Variants in USH2A observed in about 807,000 individuals in gnomAD.
USH2A encodes the protein usherin.
USH2A carries 443 observed loss-of-function variants against 538.9 expected under a neutral mutation model. The ratio of observed to expected loss-of-function variants is 0.82; its 90% CI spans 0.76 to 0.89. USH2A has a LOEUF of 0.89. Among genes scored for constraint, USH2A ranks in the 40% least tolerant of loss-of-function variants. USH2A has a pLI of 0.00. For synonymous variants in USH2A, 2,413 were observed against 2,273.5 expected, an observed-to-expected ratio of 1.06 and a Z score of -1.75; for missense variants, 6,633 against 6,324.8, an observed-to-expected ratio of 1.05 and a Z score of -1.65.
chr1:215,665,896 A>G (rs1313221304), intron 64 of USH2A, among the ~76,000 whole-genome samples: 1 of 152,266 alleles, frequency 6.6e-6, no homozygotes, highest in African/African-American at 2.4e-5. Flanking sequence ...GCATTTATGC[A>G]TGGAACATAC....
intron 21 of USH2A, among the ~76,000 whole-genome samples, chr1:216,130,871 A>G (rs1417302872): frequency 1.3e-5 from 2 of 151,686 alleles, no homozygotes; most frequent in East Asian, 1.9e-4. Flanking sequence ...TTAGTTCTGT[A>G]AGGAATCTCC....
chr1:216,348,853 G>C (rs948869089), intron 4 of USH2A, among the ~76,000 whole-genome samples: 1 of 151,754 alleles, frequency 6.6e-6, no homozygotes, highest in Non-Finnish European at 1.5e-5. Context: ...AGTGATCTCT[G>C]ACTACTATTC....
At chr1:215,639,319 A>T (rs1662341302) in intron 68 of USH2A, 81 bp from the exon 69 acceptor site, 1 of 1,307,722 alleles carries the variant, frequency 7.6e-7, no homozygotes, top group Non-Finnish European at 1.1e-6. Context: ...AGAGCAATGC[A>T]TCATAGCATG....
intron 40 of USH2A, among the ~76,000 whole-genome samples, chr1:215,898,183 G>A (rs1260265560): frequency 6.6e-6 from 1 of 152,102 alleles, no homozygotes; most frequent in Non-Finnish European, 1.5e-5. Context: ...TTTGGGGAAC[G>A]GATTTAAACA....
At chr1:215,754,737 C>T (rs1367079810) in intron 58 of USH2A, among the ~76,000 whole-genome samples, 1 of 152,176 alleles carries the variant, frequency 6.6e-6, no homozygotes, top group Non-Finnish European at 1.5e-5. Context: ...CATTCAAAGC[C>T]ATCCTGGGCT....
chr1:216,367,516 T>G (rs1288957297), intron 3 of USH2A, among the ~76,000 whole-genome samples: 1 of 152,196 alleles, frequency 6.6e-6, no homozygotes. Context: ...ATATCTGTTG[T>G]CAAGAGTTCA....
intron 37 of USH2A, among the ~76,000 whole-genome samples, chr1:215,941,345 A>T (rs1051024498): frequency 2.0e-5 from 3 of 152,158 alleles, no homozygotes; most frequent in Non-Finnish European, 4.4e-5. Flanking sequence ...AGAGAGAGAG[A>T]GTAAATTCAG....
intron 71 of USH2A, among the ~76,000 whole-genome samples, chr1:215,626,309 A>ACACTATATATATATATG (rs1656022065): frequency 1.3e-5 from 2 of 150,072 alleles, no homozygotes; most frequent in South Asian, 2.1e-4. Flanking sequence ...CTATATATAT[A>ACACTATATATATATATG]TATGTATGTA....
intron 50 of USH2A, among the ~76,000 whole-genome samples, chr1:215,797,624 A>G (rs1662184202): frequency 6.6e-6 from 1 of 152,068 alleles, no homozygotes; most frequent in South Asian, 2.1e-4. Context: ...TAAATGGAAC[A>G]AAAAGGCTGT....
chr1:215,859,976 T>C (rs1033438616), intron 44 of USH2A, among the ~76,000 whole-genome samples: 1 of 152,216 alleles, frequency 6.6e-6, no homozygotes, highest in Admixed American at 6.5e-5. Flanking sequence ...GCTTGGTGTC[T>C]TGCTCTGGCA....
chr1:216,156,053 G>A (rs761054669), intron 21 of USH2A, among the ~76,000 whole-genome samples: 36 of 152,062 alleles, frequency 2.4e-4, no homozygotes, highest in African/African-American at 8.2e-4. Context: ...ATAAAATTAC[G>A]TTCAAAATTT....
chr1:216,072,044 T>C (rs2102547815), intron 29 of USH2A, among the ~76,000 whole-genome samples: 1 of 152,308 alleles, frequency 6.6e-6, no homozygotes, highest in East Asian at 1.9e-4. Flanking sequence ...GATAGTAACC[T>C]ACTGTTGATT....
chr1:216,078,508 T>G, intron 26 of USH2A, 146 bp from the exon 27 acceptor site: 1 of 749,352 alleles, frequency 1.3e-6, no homozygotes, highest in Non-Finnish European at 2.2e-6. Flanking sequence ...TACCCTAAGT[T>G]TCTGCTTAGG....
intron 61 of USH2A, among the ~76,000 whole-genome samples, chr1:215,724,238 C>CACACACAG: frequency 7.0e-6 from 1 of 143,730 alleles, no homozygotes; most frequent in Non-Finnish European, 1.5e-5. Context: ...CACACACACA[C>CACACACAG]ACACACACAC....
In USH2A at chr1:216,373,706, C is replaced by A. The variant is rs1268875548; in HGVS notation, c.652-8621G>T. On this transcript the variant is annotated intron_variant, in intron 3 of 71. Transcript: ENST00000307340. The stretch of plus-strand genomic sequence containing the variant: ...GCCCATTCAAGTTTTGTCAATGACC[C>A]CAAAAAGTCTTTTATAGAAAAAACA... Among the ~76,000 whole-genome samples the A allele has an allele frequency of 3.9e-5, 6 of 152,132 alleles. No individual in the cohort carries two copies. The South Asian group carries it at 6.2e-4, about 16-fold the overall frequency.
intron 61 of USH2A, among the ~76,000 whole-genome samples, chr1:215,721,089 T>G (rs892925718): frequency 5.3e-5 from 8 of 150,978 alleles, no homozygotes; most frequent in Admixed American, 3.9e-4. Context: ...TGTTGTTGTT[T>G]TTTGAGACAG....
chr1:216,105,310 C>T (rs2032703377), intron 21 of USH2A, among the ~76,000 whole-genome samples: 1 of 151,638 alleles, frequency 6.6e-6, no homozygotes, highest in African/African-American at 2.4e-5. Context: ...TCTATGAACC[C>T]ATCTCAAATT....
chr1:216,339,777 T>TGAAACTAATGAGAGCAAA (rs369135178), intron 4 of USH2A, among the ~76,000 whole-genome samples: 1,759 of 152,016 alleles, frequency 0.012, 30 homozygotes, highest in African/African-American at 0.041. Flanking sequence ...AGAAGTTCTT[T>TGAAACTAATGAGAGCAAA]GAAACTAATG....
intron 32 of USH2A, among the ~76,000 whole-genome samples, chr1:216,015,566 G>A (rs762359794): frequency 2.1e-4 from 32 of 152,208 alleles, no homozygotes; most frequent in Non-Finnish European, 3.7e-4. Context: ...GATCTGTAGA[G>A]TTGAAATCAC....
Sources: allele counts gnomAD v4.1 joint callset (sites outside exome capture counted in the v4.1 genomes callset), GRCh38; gene constraint gnomAD v4.1.1; transcripts MANE v1.5; gene names NCBI Gene and HGNC (gene_info 2026-07-23, HGNC 2026-07-21).